The following RUNX1T1 variants were observed in gnomAD, a reference collection of about 807,000 sequenced individuals.
RUNX1T1 encodes RUNX1 partner transcriptional co-repressor 1, also known as protein CBFA2T1.
RUNX1T1 carries 4 observed loss-of-function variants against 62.8 expected under a neutral mutation model. That is an observed-to-expected ratio of 0.06 (90% CI 0.03 to 0.15). RUNX1T1 has a LOEUF of 0.15. Among genes scored for constraint, RUNX1T1 ranks in the 10% least tolerant of loss-of-function variants. The probability of loss-of-function intolerance (pLI) is 1.00; values close to 1 mark genes in which losing one functional copy is unlikely to be tolerated. For missense variants in RUNX1T1, 508 were observed against 754.3 expected, an observed-to-expected ratio of 0.67 and a Z score of 3.82; for synonymous variants, 291 against 286.0, an observed-to-expected ratio of 1.02 and a Z score of -0.18.
At chr8:92,052,491 C>G (rs1317665657) in intron 1 of RUNX1T1, among the ~76,000 whole-genome samples, 1 of 152,064 alleles carries the variant, frequency 6.6e-6, no homozygotes, top group African/African-American at 2.4e-5. Flanking sequence ...TTTCTCTACA[C>G]AAGTCCACAA....
rs1421965480 is a variant in RUNX1T1, at chr8:91,960,235, T to A, written c.*7A>T. 8 of 1,606,044 alleles carry A rather than the reference T, an allele frequency of 5.0e-6. No homozygotes were observed. In the East Asian group the frequency reaches 1.8e-4, roughly 36 times the overall value. On this transcript the variant is annotated 3_prime_UTR_variant, in exon 11 of 11. Transcript: ENST00000396218. Reference sequence around the variant, plus strand: ...TTGTCTTTCCTCCGACAGTTCTGAGTTCACGTCTAGCGAGGGGTTGTCTCT... The same window carrying A: ...TTGTCTTTCCTCCGACAGTTCTGAGATCACGTCTAGCGAGGGGTTGTCTCT...
At chr8:92,099,976 A>G (rs1211508870), upstream of RUNX1T1, among the ~76,000 whole-genome samples, 1 of 152,166 alleles carries the variant, frequency 6.6e-6, no homozygotes, top group Non-Finnish European at 1.5e-5. Context: ...ATTTAGACTA[A>G]CACCTCAATG....
chr8:92,097,072 A>G (rs1198944710), intron 1 of RUNX1T1, among the ~76,000 whole-genome samples: 1 of 152,184 alleles, frequency 6.6e-6, no homozygotes, highest in Admixed American at 6.5e-5. Context: ...AGCTGGGCAT[A>G]GGTGGGGGAA....
At chr8:91,969,016 A>G (rs2130587691) in intron 10 of RUNX1T1, among the ~76,000 whole-genome samples, 1 of 152,228 alleles carries the variant, frequency 6.6e-6, no homozygotes, top group South Asian at 2.1e-4. Context: ...ATTCTTGGGG[A>G]AGTGTCACTG....
exon 1 of RUNX1T1, chr8:92,062,653 G>C: frequency 6.2e-7 from 1 of 1,613,818 alleles, no homozygotes; most frequent in East Asian, 2.2e-5. Context: ...GCAGAGAGGA[G>C]GGCCATCAGA....
upstream of RUNX1T1, among the ~76,000 whole-genome samples, chr8:92,064,884 T>G (rs1396030120): frequency 6.6e-6 from 1 of 152,184 alleles, no homozygotes; most frequent in Non-Finnish European, 1.5e-5. Flanking sequence ...GTAAAAAGGC[T>G]TTTTAAGCTG....
chr8:91,968,621 T>C (rs1235839733), intron 10 of RUNX1T1, among the ~76,000 whole-genome samples: 2 of 152,190 alleles, frequency 1.3e-5, no homozygotes, highest in Non-Finnish European at 2.9e-5. Flanking sequence ...AAAGTGGTCC[T>C]TGCACTTTAA....
upstream of RUNX1T1, chr8:92,102,782 G>T: frequency 7.2e-7 from 1 of 1,392,868 alleles, no homozygotes; most frequent in South Asian, 1.4e-5. This position sits in a 1 kb window ranked among gnomAD's most constrained non-coding sequence, Gnocchi z 4.5. Context: ...ACGGTCATCG[G>T]AACAGTAATT....
upstream of RUNX1T1, among the ~76,000 whole-genome samples, chr8:92,066,348 A>C (rs767381142): frequency 6.6e-6 from 1 of 152,206 alleles, no homozygotes; most frequent in Non-Finnish European, 1.5e-5. Flanking sequence ...CTGGCCACCA[A>C]ATGAGGCTGA....
chr8:92,056,086 C>T (rs941177629), intron 1 of RUNX1T1, among the ~76,000 whole-genome samples: 1 of 152,170 alleles, frequency 6.6e-6, no homozygotes, highest in Non-Finnish European at 1.5e-5. Flanking sequence ...TCAAATTTTA[C>T]TATGTATTTT....
chr8:91,996,779 C>T (rs1818779925), intron 5 of RUNX1T1, among the ~76,000 whole-genome samples: 1 of 151,386 alleles, frequency 6.6e-6, no homozygotes. Flanking sequence ...TCCAGCTCCT[C>T]AATAACAGAA....
chr8:92,041,460 G>C (rs1828439921), intron 1 of RUNX1T1, among the ~76,000 whole-genome samples: 1 of 152,188 alleles, frequency 6.6e-6, no homozygotes, highest in African/African-American at 2.4e-5. Context: ...TTTGGGTATG[G>C]CTGGGCACTG....
intron 5 of RUNX1T1, among the ~76,000 whole-genome samples, chr8:91,996,369 C>T (rs2920461): frequency 0.24 from 37,001 of 151,752 alleles, 4,870 homozygotes; most frequent in African/African-American, 0.34. Context: ...GCCTGGCTAA[C>T]TTTTTGTATT....
intron 1 of RUNX1T1, among the ~76,000 whole-genome samples, chr8:92,027,452 G>A (rs949034541): frequency 6.6e-6 from 1 of 152,314 alleles, no homozygotes; most frequent in South Asian, 2.1e-4. Flanking sequence ...GGATTGTCTG[G>A]AGCCTCATCC....
intron 5 of RUNX1T1, among the ~76,000 whole-genome samples, chr8:91,999,318 T>C (rs573712617): frequency 5.9e-5 from 9 of 152,284 alleles, no homozygotes; most frequent in Admixed American, 1.3e-4. Context: ...TGGCTTCAAA[T>C]TGTGGCTCTG....
intron 1 of RUNX1T1, among the ~76,000 whole-genome samples, chr8:92,078,636 T>C (rs1184410839): frequency 1.3e-5 from 2 of 152,282 alleles, no homozygotes; most frequent in South Asian, 2.1e-4. Context: ...TTTTTCTCAA[T>C]GGTATGAAGT....
intron 4 of RUNX1T1, chr8:92,010,788 T>G: frequency 2.3e-6 from 1 of 435,590 alleles, no homozygotes. Context: ...TTCTAAACTC[T>G]TCTTCAAACT....
At chr8:92,079,457 G>A (rs992994533) in intron 1 of RUNX1T1, among the ~76,000 whole-genome samples, 16 of 152,116 alleles carry the variant, frequency 1.1e-4, no homozygotes, top group Admixed American at 9.2e-4. Flanking sequence ...TAATTTGAAG[G>A]AGTAGTGAAC....
At chr8:92,076,641 T>C (rs572979681) in intron 1 of RUNX1T1, among the ~76,000 whole-genome samples, 1 of 152,112 alleles carries the variant, frequency 6.6e-6, no homozygotes, top group Non-Finnish European at 1.5e-5. Context: ...TTAGCACACA[T>C]AGTTTAAAAC....
Sources: allele counts gnomAD v4.1 joint callset (sites outside exome capture counted in the v4.1 genomes callset), GRCh38; gene constraint gnomAD v4.1.1; non-coding constraint Gnocchi (gnomAD v3.1); transcripts MANE v1.5; gene names NCBI Gene and HGNC (gene_info 2026-07-23, HGNC 2026-07-21).